The following TMEM94 variants were observed in gnomAD, a reference collection of about 807,000 sequenced individuals.
TMEM94 encodes transmembrane protein 94.
TMEM94 carries 81 observed loss-of-function variants against 158.6 expected under a neutral mutation model. That is an observed-to-expected ratio of 0.51 (90% CI 0.43 to 0.61). The LOEUF is 0.61. TMEM94 is among the 20% of genes least tolerant of loss of function. The probability of loss-of-function intolerance (pLI) is 0.00; values close to 1 mark genes in which losing one functional copy is unlikely to be tolerated. For synonymous variants in TMEM94, 751 were observed against 730.7 expected, an observed-to-expected ratio of 1.03 and a Z score of -0.45; for missense variants, 1,435 against 1,762.0, an observed-to-expected ratio of 0.81 and a Z score of 3.32.
Position 75,488,105 on chromosome 17 carries a change from G to A in TMEM94, c.583G>A (p.Glu195Lys), listed in dbSNP as rs1289953763. 1 of 1,614,104 alleles carries A rather than the reference G, an allele frequency of 6.2e-7. No individual in the cohort carries two copies. The change falls in exon 6 of 32, where the codon GAA becomes AAA. Residue 195 changes from glutamate (E) to lysine (K), a missense_variant. Coordinates refer to ENST00000314256, the MANE Select transcript of TMEM94 (RefSeq NM_014738.6). ...GDIIALRPGQ[E>K]SFASLRGIKD... The stretch of plus-strand genomic sequence containing the variant: ...CATCATAGCTTTGAGGCCTGGCCAG[G>A]AATCGTTTGCTTCTCTGAGGGGGAT...
chr17:75,463,040 ATATATATATATATATATAT>A (rs1297296619), intron 1 of TMEM94, among the ~76,000 whole-genome samples: 13 of 2,044 alleles, frequency 6.4e-3, no homozygotes, highest in Non-Finnish European at 7.9e-3. Flanking sequence ...AAAAAAAAAT[ATATATATATATATATATAT>A]ATATATATAT....
chr17:75,458,348 A>G (rs951383711), intron 1 of TMEM94, among the ~76,000 whole-genome samples: 1 of 152,172 alleles, frequency 6.6e-6, no homozygotes. Flanking sequence ...TTTAAAAAAA[A>G]AGTTAGATCC....
chr17:75,475,352 T>G (rs765694507), intron 2 of TMEM94, among the ~76,000 whole-genome samples: 6 of 152,298 alleles, frequency 3.9e-5, no homozygotes, highest in Non-Finnish European at 8.8e-5. Flanking sequence ...CTGAGGCTCC[T>G]TCTTCCCTGC....
At chr17:75,471,212 C>T (rs2050488449) in intron 1 of TMEM94, among the ~76,000 whole-genome samples, 2 of 141,730 alleles carry the variant, frequency 1.4e-5, no homozygotes, top group Non-Finnish European at 3.0e-5. Context: ...GCACTCCAGC[C>T]TGGGCAACAG....
chr17:75,497,831 C>T lies in TMEM94; in HGVS notation c.3458C>T (p.Thr1153Met), dbSNP rs199789873. Residue 1153 changes from threonine (T) to methionine (M), a missense_variant, in exon 27 of 32, where the codon ACG becomes ATG. Physicochemically the swap from Thr to Met is moderately conservative, Grantham distance 81 (BLOSUM62 -1). Around this residue, in one of 3 missense-constraint regions of TMEM94, gnomAD observed 335 missense variants for 409.1 expected, o/e 0.82. Transcript: ENST00000314256. Reference protein sequence around the residue: ...PPHSSIMSMATGKNLQSIPKK... With the variant: ...PPHSSIMSMAMGKNLQSIPKK... The stretch of plus-strand genomic sequence containing the variant: ...CATAGCTCCATCATGTCTATGGCAA[C>T]GGGGAAAAACCTCCAGTCCATTCCC... 4.8e-5 allele frequency: 77 copies of T among 1,613,842 alleles called. No individual in the cohort carries two copies. The highest frequency in any genetic ancestry group is 1.3e-4 in the East Asian group (6 of 44,870).
chr17:75,473,489 G>T (rs2050569387), intron 2 of TMEM94, among the ~76,000 whole-genome samples: 1 of 152,168 alleles, frequency 6.6e-6, no homozygotes, highest in East Asian at 1.9e-4. Context: ...AACAGAGGAT[G>T]GTATTGTCTT....
rs142790705 is a variant in TMEM94, at chr17:75,472,073, G to A, written c.24+144G>A. 936 of 738,494 alleles carry A rather than the reference G, an allele frequency of 1.3e-3. 7 individuals carry two copies. In the African/African-American group the frequency reaches 0.014, roughly 11 times the overall value. The allele number at this position is 738,494 out of a possible 1,614,324, so 45.7% of individuals were successfully genotyped here. ...GGCAAGGCTCTGAGTCTTGGGGGAT[G>A]CGACTGTGACCTCTTGGCTGGAAAG... is the stretch of plus-strand genomic sequence containing the variant. On this transcript the variant is annotated intron_variant, in intron 2 of 31. Transcript: ENST00000314256.
chr17:75,469,549 T>C (rs2050423429), intron 1 of TMEM94, among the ~76,000 whole-genome samples: 1 of 151,474 alleles, frequency 6.6e-6, no homozygotes, highest in Non-Finnish European at 1.5e-5. Flanking sequence ...TTCATCATAT[T>C]GGCCAGGCTG....
chr17:75,492,776 T>C lies in TMEM94; in HGVS notation c.1899T>C (p.Leu633=), dbSNP rs2052329190. 1 of 1,606,032 alleles carries C rather than the reference T, an allele frequency of 6.2e-7. No homozygotes were observed. Among genetic ancestry groups the C allele is most frequent in the Non-Finnish European group, 8.5e-7 (1 of 1,178,908 alleles). The change falls in exon 15 of 32, where the codon CTT becomes CTC. Residue 633 remains leucine (L), a synonymous_variant. Coordinates refer to ENST00000314256, the MANE Select transcript of TMEM94 (RefSeq NM_014738.6). The surrounding 1 kb of genome is among the most constrained non-coding windows in gnomAD (Gnocchi z 4.4). ...ATGTGCCCTGGGGCCTCTGCGAGCT[T>C]GCCCGCCTCATTGGTACAGGTCCCC... ...PVHVPWGLCE[L]ARLIGFTPGA... is the part of the protein sequence containing the mutation.
chr17:75,478,084 C>T (rs1384375944), intron 2 of TMEM94, among the ~76,000 whole-genome samples: 2 of 107,910 alleles, frequency 1.9e-5, no homozygotes, highest in African/African-American at 3.6e-5. Flanking sequence ...GGCGGGATCT[C>T]GGCTCACTGC....
intron 2 of TMEM94, among the ~76,000 whole-genome samples, chr17:75,481,048 C>T (rs1341748899): frequency 6.6e-6 from 1 of 152,226 alleles, no homozygotes; most frequent in Non-Finnish European, 1.5e-5. Context: ...GAGGAACAGA[C>T]GTCCATGCCC....
At chr17:75,497,938 A>G in intron 27 of TMEM94, 76 bp downstream of exon 27, 4 of 1,389,662 alleles carry the variant, frequency 2.9e-6, no homozygotes, top group Non-Finnish European at 4.1e-6. Context: ...GAGAGGGGCT[A>G]ATCTGGAAGG....
rs149230339 is a variant in TMEM94 at position 75,468,018 on chromosome 17, A to G, written c.-106-3782A>G. 9.1e-4 allele frequency among the ~76,000 whole-genome samples: 138 copies of G among 152,314 alleles called. 1 individual carries two copies. In the East Asian group the frequency reaches 0.021, roughly 24 times the overall value. On this transcript the variant is annotated intron_variant, in intron 1 of 31. Transcript: ENST00000314256. ...TAATTCTATAGCTCCTCTGTGAAAT[A>G]GATATTGTCATTTCCATTCTATGAA... is the stretch of plus-strand genomic sequence containing the variant.
At chr17:75,462,001 G>GTTTTTTTTTTTTTTTTTTTTT (rs1230233393) in intron 1 of TMEM94, among the ~76,000 whole-genome samples, 3 of 85,664 alleles carry the variant, frequency 3.5e-5, no homozygotes, top group Non-Finnish European at 6.2e-5. Flanking sequence ...TTTTTGTTTT[G>GTTTTTTTTTTTTTTTTTTTTT]TTTTGTTTTG....
intron 6 of TMEM94, 73 bp from the exon 7 acceptor site, chr17:75,488,686 T>G: frequency 6.4e-7 from 1 of 1,564,842 alleles, no homozygotes; most frequent in Non-Finnish European, 8.8e-7. Flanking sequence ...TGTCTGTACT[T>G]AGATGAATTG....
chr17:75,486,478 A>G, intron 5 of TMEM94, 52 bp downstream of exon 5: 1 of 1,610,506 alleles, frequency 6.2e-7, no homozygotes, highest in Non-Finnish European at 8.5e-7. Context: ...GACATATCAG[A>G]GCCCTGAGGG....
At chr17:75,469,722 G>A (rs969777516) in intron 1 of TMEM94, among the ~76,000 whole-genome samples, 5 of 149,820 alleles carry the variant, frequency 3.3e-5, no homozygotes, top group African/African-American at 7.4e-5. Flanking sequence ...AAGCCGAGGC[G>A]GGCAGATCAC....
chr17:75,492,456 C>T lies in TMEM94; in HGVS notation c.1597-18C>T, dbSNP rs143441188. The stretch of plus-strand genomic sequence containing the variant: ...ACACCCTATCCCGGGCTGAGGCTCT[C>T]CTCCACATTTCCCCCAGACCCAGCC... On this transcript the variant is annotated intron_variant, in intron 14 of 31. Coordinates refer to ENST00000314256, the MANE Select transcript of TMEM94 (RefSeq NM_014738.6). The surrounding 1 kb of genome is among the most constrained non-coding windows in gnomAD (Gnocchi z 4.4). 1.0e-3 allele frequency: 1,589 copies of T among 1,560,876 alleles called. 7 individuals carry two copies. The highest frequency in any genetic ancestry group is 4.8e-3 in the Middle Eastern group (28 of 5,812).
intron 1 of TMEM94, among the ~76,000 whole-genome samples, chr17:75,463,075 T>TAC (rs1196395125): frequency 1.0e-3 from 17 of 16,724 alleles, no homozygotes; most frequent in Admixed American, 9.8e-3. Flanking sequence ...TATATATATA[T>TAC]ATATACACAC....
Sources: gnomAD v4.1 joint callset for allele counts (sites outside exome capture counted in the v4.1 genomes callset) on GRCh38, gnomAD v4.1.1 for gene constraint, gnomAD v4.1.1 regional missense constraint, Gnocchi (gnomAD v3.1) non-coding constraint, MANE v1.5 for transcripts, NCBI Gene and HGNC (gene_info 2026-07-23, HGNC 2026-07-21) for gene names.